SH3PXD2B: variants seen among roughly 807,000 people sequenced by gnomAD.
The protein encoded by SH3PXD2B is SH3 and PX domain-containing protein 2B.
A neutral mutation model predicts 73.1 loss-of-function variants in SH3PXD2B; 37 were observed. The ratio of observed to expected loss-of-function variants is 0.51; its 90% CI spans 0.39 to 0.67. The LOEUF (loss-of-function observed/expected upper bound fraction) is 0.67. Among genes scored for constraint, SH3PXD2B ranks in the 30% least tolerant of loss-of-function variants. The pLI, the probability that SH3PXD2B is intolerant of heterozygous loss-of-function variation, is 0.00. For missense variants in SH3PXD2B, 1,053 were observed against 1,197.8 expected, an observed-to-expected ratio of 0.88 and a Z score of 1.78; for synonymous variants, 457 against 480.5, an observed-to-expected ratio of 0.95 and a Z score of 0.64.
chr5:172,368,339 CTAGAA>C (rs1456921321), intron 6 of SH3PXD2B, among the ~76,000 whole-genome samples: 3 of 149,168 alleles, frequency 2.0e-5, no homozygotes, highest in African/African-American at 7.4e-5. Flanking sequence ...CTTTTCTACT[CTAGAA>C]TAGAAGTGCC....
At chr5:172,377,917 GCCCT>G (rs992009652) in intron 5 of SH3PXD2B, among the ~76,000 whole-genome samples, 2 of 151,978 alleles carry the variant, frequency 1.3e-5, no homozygotes, top group African/African-American at 4.8e-5. Context: ...AAGTCAGCAG[GCCCT>G]CCCTATCTGG....
intron 6 of SH3PXD2B, among the ~76,000 whole-genome samples, chr5:172,364,028 A>C (rs1201964619): frequency 2.0e-5 from 3 of 152,190 alleles, no homozygotes; most frequent in Non-Finnish European, 2.9e-5. Flanking sequence ...AACGAAGTAG[A>C]GAGGTGCTCC....
chr5:172,390,904 C>T (rs950929604), intron 4 of SH3PXD2B, among the ~76,000 whole-genome samples: 7 of 151,416 alleles, frequency 4.6e-5, no homozygotes, highest in South Asian at 2.1e-4. Flanking sequence ...TGCAATGACA[C>T]GATCTCGGCT....
Position 172,337,711 on chromosome 5 carries a change from A to G in SH3PXD2B, c.*658T>C, listed in dbSNP as rs769903683. ...CCCTTCAGGGCTGACCACGGTCCCA[A>G]GATAGAAGGTGGGAGGCAGGGCGGC... On this transcript the variant is annotated 3_prime_UTR_variant, in exon 13 of 13. Coordinates refer to ENST00000311601, the MANE Select transcript of SH3PXD2B (RefSeq NM_001017995.3). 3 of 992,332 alleles carry G rather than the reference A, an allele frequency of 3.0e-6. No individual in the cohort carries two copies. The highest frequency in any genetic ancestry group is 3.6e-6 in the Non-Finnish European group (3 of 834,086). 61.5% of individuals were successfully genotyped at this position (992,332 alleles called of 1,614,324 possible). A position where few individuals can be genotyped will look rare whatever the true frequency, so the allele number is the denominator to read the frequency against.
chr5:172,399,758 C>T (rs1758386428), intron 3 of SH3PXD2B, among the ~76,000 whole-genome samples: 1 of 152,218 alleles, frequency 6.6e-6, no homozygotes, highest in Non-Finnish European at 1.5e-5. Context: ...CTCGCTTACA[C>T]TGGGTTTTAT....
At chr5:172,358,717 T>C (rs1402412861) in intron 8 of SH3PXD2B, 56 bp downstream of exon 8, 1 of 1,491,506 alleles carries the variant, frequency 6.7e-7, no homozygotes, top group Admixed American at 1.9e-5. Context: ...CAACCCAGTA[T>C]AGGCGATGAC....
At chr5:172,422,518 T>C in intron 1 of SH3PXD2B, 22 bp from the exon 2 acceptor site, 1 of 1,604,276 alleles carries the variant, frequency 6.2e-7, no homozygotes, top group Non-Finnish European at 8.5e-7. Context: ...ACAGAGGAGA[T>C]GGGTGTTAAC....
chr5:172,397,169 T>G (rs1758320500), intron 3 of SH3PXD2B, among the ~76,000 whole-genome samples: 1 of 152,076 alleles, frequency 6.6e-6, no homozygotes, highest in African/African-American at 2.4e-5. Context: ...TCTGGGAACG[T>G]CTGTCTTTTA....
intron 2 of SH3PXD2B, among the ~76,000 whole-genome samples, chr5:172,407,418 C>T (rs562916250): frequency 1.2e-4 from 18 of 152,314 alleles, no homozygotes; most frequent in Non-Finnish European, 2.2e-4. Flanking sequence ...CTGCTGGCCG[C>T]GGTCATGGGA....
intron 3 of SH3PXD2B, among the ~76,000 whole-genome samples, chr5:172,396,653 A>C (rs1758307394): frequency 6.6e-6 from 1 of 151,568 alleles, no homozygotes; most frequent in African/African-American, 2.4e-5. Context: ...TCACCAATTA[A>C]AAAAATATCT....
Position 172,362,770 on chromosome 5 carries a change from C to T in SH3PXD2B, c.527G>A (p.Gly176Glu). The change falls in exon 7 of 13, where the codon GGG becomes GAG. Residue 176 changes from glycine to glutamate, a missense_variant. Transcript: ENST00000311601. ...CTTCTCGATGATGTCCACCACCTGC[C>T]CCACGCTGAGGCTGATCTCCGAACT... ...QESSEISLSV[G>E]QVVDIIEKNE... The T allele has an allele frequency of 1.2e-6, 2 of 1,614,098 alleles. No individual in the cohort carries two copies. Among genetic ancestry groups the T allele is most frequent in the Non-Finnish European group, 8.5e-7 (1 of 1,180,020 alleles).
At chr5:172,439,683 C>CG (rs1759500169) in intron 1 of SH3PXD2B, among the ~76,000 whole-genome samples, 1 of 97,522 alleles carries the variant, frequency 1.0e-5, no homozygotes, top group Non-Finnish European at 2.0e-5. Flanking sequence ...TGCGTGCGCG[C>CG]ACGCGCGCGC....
chr5:172,348,343 A>T (rs1234405183), intron 10 of SH3PXD2B, among the ~76,000 whole-genome samples: 2 of 151,444 alleles, frequency 1.3e-5, no homozygotes, highest in African/African-American at 4.9e-5. Flanking sequence ...TTTTTTTTTT[A>T]AATGGAGTTT....
Position 172,350,371 on chromosome 5 carries a change from G to C in SH3PXD2B, c.1004C>G (p.Ala335Gly). 1 of 1,613,542 alleles carries C rather than the reference G, an allele frequency of 6.2e-7. No individual in the cohort carries two copies. Residue 335 changes from alanine (A) to glycine (G), a missense_variant, in exon 10 of 13, where the codon GCC becomes GGC. Ala to Gly is a moderately conservative substitution (Grantham distance 60). Coordinates refer to ENST00000311601, the MANE Select transcript of SH3PXD2B (RefSeq NM_001017995.3). ...GGGCGGGTGTCACTCACTCTGCTTG[G>C]CGTCACCGTCGGGCACCGGGCGGCC... ...FEGRPVPDGDAKQRSPKMRQR... is the reference protein window; with the variant it reads ...FEGRPVPDGDGKQRSPKMRQR...
At chr5:172,429,781 A>G (rs1759189217) in intron 1 of SH3PXD2B, among the ~76,000 whole-genome samples, 1 of 152,218 alleles carries the variant, frequency 6.6e-6, no homozygotes, top group East Asian at 1.9e-4. Flanking sequence ...CAGTGCCTAC[A>G]GTTGCACAGC....
Position 172,443,171 on chromosome 5 carries a change from G to GT in SH3PXD2B, c.75+11106dup, listed in dbSNP as rs1759585625. ...ACCTCGTGGTGGGTCTAATGACACC[G>GT]TAACTTGGAAATAGTAAGGAGTATA... is the stretch of plus-strand genomic sequence containing the variant. On this transcript the variant is annotated intron_variant, in intron 1 of 12. Transcript: ENST00000311601. 2.6e-5 allele frequency among the ~76,000 whole-genome samples: 4 copies of GT among 152,266 alleles called. No individual in the cohort carries two copies. The South Asian group carries it at 8.3e-4, about 32-fold the overall frequency.
In SH3PXD2B at chr5:172,334,368, G is replaced by C; in HGVS notation, c.*4001C>G. 1.0e-6 allele frequency: 1 copy of C among 993,458 alleles called. No individual in the cohort carries two copies. The highest frequency in any genetic ancestry group is 1.2e-6 in the Non-Finnish European group (1 of 836,236). The allele number at this position is 993,458 out of a possible 1,614,324, so 61.5% of individuals were successfully genotyped here. A position where few individuals can be genotyped will look rare whatever the true frequency, so the allele number is the denominator to read the frequency against. On this transcript the variant is annotated 3_prime_UTR_variant, in exon 13 of 13. Coordinates refer to ENST00000311601, the MANE Select transcript of SH3PXD2B (RefSeq NM_001017995.3). The stretch of plus-strand genomic sequence containing the variant: ...GGAGCAATTCCTCCAGGCCAAGAGA[G>C]GGCGCCCTGCACCCTCAGGCCTCGA...
At chr5:172,343,644 T>C (rs1756908958) in intron 12 of SH3PXD2B, among the ~76,000 whole-genome samples, 1 of 151,364 alleles carries the variant, frequency 6.6e-6, no homozygotes, top group African/African-American at 2.4e-5. Flanking sequence ...CTACTAAAAA[T>C]ACAAAAAAAA....
chr5:172,325,410 A>C, intron 12 of SH3PXD2B: 1 of 1,470,402 alleles, frequency 6.8e-7, no homozygotes, highest in Non-Finnish European at 9.2e-7. Context: ...AAAATCAGCA[A>C]ATCTTCAGTC....
Sources: gnomAD v4.1 joint callset for allele counts (sites outside exome capture counted in the v4.1 genomes callset) on GRCh38, gnomAD v4.1.1 for gene constraint, MANE v1.5 for transcripts, NCBI Gene and HGNC (gene_info 2026-07-23, HGNC 2026-07-21) for gene names.